The following PACRG variants were observed in gnomAD, a reference collection of about 807,000 sequenced individuals.
The protein encoded by PACRG is parkin coregulated, also known as parkin coregulated gene protein.
PACRG carries 29 observed loss-of-function variants against 29.7 expected under a neutral mutation model. That is an observed-to-expected ratio of 0.98 (90% CI 0.73 to 1.33). The LOEUF (loss-of-function observed/expected upper bound fraction) is 1.33, where lower values mean the gene tolerates loss of function less well. Among genes scored for constraint, PACRG ranks in the 40% most tolerant of loss-of-function variants. The pLI is 0.00. For synonymous variants in PACRG, 116 were observed against 118.7 expected, an observed-to-expected ratio of 0.98 and a Z score of 0.15; for missense variants, 279 against 316.2, an observed-to-expected ratio of 0.88 and a Z score of 0.89.
intron 4 of PACRG, among the ~76,000 whole-genome samples, chr6:163,106,715 T>A (rs1268644653): frequency 6.6e-6 from 1 of 152,252 alleles, no homozygotes; most frequent in Non-Finnish European, 1.5e-5. Flanking sequence ...TTGTACATGA[T>A]GATGTAGATA....
At chr6:163,022,069 C>T (rs1311820823) in intron 2 of PACRG, among the ~76,000 whole-genome samples, 1 of 152,210 alleles carries the variant, frequency 6.6e-6, no homozygotes, top group Non-Finnish European at 1.5e-5. Flanking sequence ...CGGCCACACA[C>T]ATTCACTTGG....
intron 2 of PACRG, among the ~76,000 whole-genome samples, chr6:162,837,124 G>A (rs1246569754): frequency 3.9e-5 from 6 of 152,234 alleles, no homozygotes; most frequent in East Asian, 1.9e-4. Context: ...GTGGAAAGGC[G>A]GAAGCTGGAT....
At chr6:162,927,125 T>A (rs2128101430) in intron 2 of PACRG, among the ~76,000 whole-genome samples, 1 of 152,202 alleles carries the variant, frequency 6.6e-6, no homozygotes, top group East Asian at 1.9e-4. Flanking sequence ...CCGGTCAGGA[T>A]GGCAATTATT....
intron 4 of PACRG, among the ~76,000 whole-genome samples, chr6:163,149,642 GC>G (rs1338757938): frequency 2.0e-5 from 3 of 151,980 alleles, no homozygotes; most frequent in African/African-American, 7.2e-5. Context: ...TGCGGGTGCT[GC>G]CCGCACAGCC....
chr6:163,151,046 G>A (rs1778066761), intron 4 of PACRG, among the ~76,000 whole-genome samples: 1 of 152,042 alleles, frequency 6.6e-6, no homozygotes, highest in Non-Finnish European at 1.5e-5. Flanking sequence ...AGTAAACAAT[G>A]GATGGATTTT....
chr6:162,987,667 C>A (rs1187452881), intron 2 of PACRG, among the ~76,000 whole-genome samples: 1 of 152,176 alleles, frequency 6.6e-6, no homozygotes, highest in African/African-American at 2.4e-5. Context: ...GTCCATTAAA[C>A]CTCTTTTTCT....
chr6:163,289,549 C>A (rs1030255982), intron 4 of PACRG, among the ~76,000 whole-genome samples: 3 of 152,062 alleles, frequency 2.0e-5, no homozygotes, highest in Admixed American at 6.5e-5. Flanking sequence ...GTTAAGGAAG[C>A]CTTATCATGA....
intron 2 of PACRG, among the ~76,000 whole-genome samples, chr6:162,840,077 G>T (rs1305122496): frequency 2.7e-5 from 3 of 110,790 alleles, no homozygotes; most frequent in East Asian, 5.1e-4. Flanking sequence ...GGCGATGCAG[G>T]CTCTTTTTTG....
At chr6:162,958,250 C>T (rs2128139546) in intron 2 of PACRG, among the ~76,000 whole-genome samples, 1 of 152,156 alleles carries the variant, frequency 6.6e-6, no homozygotes, top group African/African-American at 2.4e-5. Flanking sequence ...AAGATTAACT[C>T]TATTTTATGA....
intron 2 of PACRG, among the ~76,000 whole-genome samples, chr6:162,976,758 A>G (rs1189256527): frequency 6.6e-6 from 1 of 152,208 alleles, no homozygotes; most frequent in Non-Finnish European, 1.5e-5. Context: ...TATCACACAC[A>G]CAATGGATGA....
At chr6:163,176,269 C>T (rs1306256945) in intron 4 of PACRG, among the ~76,000 whole-genome samples, 1 of 152,224 alleles carries the variant, frequency 6.6e-6, no homozygotes, top group Non-Finnish European at 1.5e-5. Flanking sequence ...CACTGGTTCT[C>T]TTTTCCTGCT....
At chr6:162,789,893 G>A (rs747040728) in intron 1 of PACRG, among the ~76,000 whole-genome samples, 7 of 150,712 alleles carry the variant, frequency 4.6e-5, no homozygotes, top group Non-Finnish European at 8.9e-5. Context: ...TTGTACTTTA[G>A]CATGATTTGA....
chr6:162,884,788 C>T (rs1794191796), intron 2 of PACRG, among the ~76,000 whole-genome samples: 2 of 152,146 alleles, frequency 1.3e-5, no homozygotes, highest in East Asian at 1.9e-4. Context: ...TGTATTTTCC[C>T]AGCTCCCCAA....
intron 3 of PACRG, among the ~76,000 whole-genome samples, chr6:163,070,266 T>C (rs999718511): frequency 2.6e-5 from 4 of 152,050 alleles, no homozygotes; most frequent in African/African-American, 9.7e-5. Flanking sequence ...AAATAGAATA[T>C]TATAGCACTG....
At chr6:162,832,869 T>C (rs1788907312) in intron 2 of PACRG, among the ~76,000 whole-genome samples, 1 of 152,026 alleles carries the variant, frequency 6.6e-6, no homozygotes, top group African/African-American at 2.4e-5. Context: ...TAAACTATTA[T>C]ATTTTGTTTG....
At chr6:163,200,762 A>G (rs1780662532) in intron 4 of PACRG, among the ~76,000 whole-genome samples, 1 of 152,224 alleles carries the variant, frequency 6.6e-6, no homozygotes, top group Non-Finnish European at 1.5e-5. Flanking sequence ...TACCTTTTTA[A>G]TAGGGTGACC....
intron 2 of PACRG, among the ~76,000 whole-genome samples, chr6:162,845,181 C>T (rs1334572322): frequency 6.6e-6 from 1 of 152,068 alleles, no homozygotes; most frequent in Non-Finnish European, 1.5e-5. Context: ...TATAATTTTG[C>T]AGACTAGCAA....
chr6:162,999,131 T>C (rs1804351667), intron 2 of PACRG, among the ~76,000 whole-genome samples: 1 of 152,152 alleles, frequency 6.6e-6, no homozygotes, highest in South Asian at 2.1e-4. Context: ...ACTTGTGCAA[T>C]GAGTCCAAAA....
intron 2 of PACRG, among the ~76,000 whole-genome samples, chr6:162,921,854 T>C (rs1008054896): frequency 6.6e-6 from 1 of 152,110 alleles, no homozygotes; most frequent in African/African-American, 2.4e-5. Context: ...GCAGAGAGTT[T>C]ATTTAGAGAC....
Sources: gnomAD v4.1 joint callset for allele counts (sites outside exome capture counted in the v4.1 genomes callset) on GRCh38, gnomAD v4.1.1 for gene constraint, MANE v1.5 for transcripts, NCBI Gene and HGNC (gene_info 2026-07-23, HGNC 2026-07-21) for gene names.